CSMD1: variants seen among roughly 807,000 people sequenced by gnomAD.
CSMD1 encodes CUB and Sushi multiple domains 1.
Under a neutral mutation model 417.5 loss-of-function variants are expected in CSMD1, and 213 were observed. That is an observed-to-expected ratio of 0.51 (90% confidence interval 0.46 to 0.57). CSMD1 has a LOEUF of 0.57. Among genes scored for constraint, CSMD1 ranks in the 20% least tolerant of loss-of-function variants. The probability of loss-of-function intolerance (pLI) is 0.00; values close to 1 mark genes in which losing one functional copy is unlikely to be tolerated. For synonymous variants in CSMD1, 2,862 were observed against 1,736.8 expected (o/e 1.65, Z -16.11); for missense variants, 6,923 against 4,529.7 (o/e 1.53, Z -15.17).
intron 1 of CSMD1, among the ~76,000 whole-genome samples, chr8:4,961,269 C>T (rs190286787): frequency 3.2e-4 from 48 of 152,190 alleles, no homozygotes; most frequent in African/African-American, 1.2e-3. Flanking sequence ...AATATTTTAT[C>T]CCATCAAACG....
chr8:3,751,587 T>C (rs1168886557), intron 6 of CSMD1, among the ~76,000 whole-genome samples: 2 of 150,944 alleles, frequency 1.3e-5, no homozygotes, highest in Non-Finnish European at 2.9e-5. Context: ...AATGTAGTTG[T>C]ATTGTTTATA....
intron 2 of CSMD1, among the ~76,000 whole-genome samples, chr8:4,570,064 T>C (rs1798809992): frequency 6.6e-6 from 1 of 152,210 alleles, no homozygotes; most frequent in Non-Finnish European, 1.5e-5. Flanking sequence ...TTTCTAAATA[T>C]ACAATCACGT....
intron 2 of CSMD1, among the ~76,000 whole-genome samples, chr8:4,465,697 GGAA>G (rs1165037701): frequency 2.0e-5 from 3 of 152,176 alleles, no homozygotes; most frequent in Non-Finnish European, 2.9e-5. Context: ...GACCATTAAA[GGAA>G]GAAGAATGGT....
chr8:4,771,046 C>T (rs981379198), intron 1 of CSMD1, among the ~76,000 whole-genome samples: 3 of 152,100 alleles, frequency 2.0e-5, no homozygotes, highest in Non-Finnish European at 2.9e-5. Context: ...GCAATATTTC[C>T]AAACCATATA....
At chr8:3,598,559 G>A (rs982031405) in intron 8 of CSMD1, among the ~76,000 whole-genome samples, 7 of 152,094 alleles carry the variant, frequency 4.6e-5, no homozygotes, top group Non-Finnish European at 8.8e-5. Flanking sequence ...TCTACGCTCT[G>A]TCTACAACAG....
Position 4,166,283 on chromosome 8 carries a change from G to T in CSMD1, c.416-134184C>A, listed in dbSNP as rs556339310. 2.1e-3 allele frequency among the ~76,000 whole-genome samples: 316 copies of T among 152,066 alleles called. 1 individual carries two copies. The highest frequency in any genetic ancestry group is 7.0e-3 in the African/African-American group (292 of 41,464). On this transcript the variant is annotated intron_variant, in intron 3 of 69. Transcript: ENST00000635120. ...TGATATAAAATACATAAACATAAAAGTTCTTAATGGAATATTTTGTATTAT... is the reference window on the plus strand; with the variant it reads ...TGATATAAAATACATAAACATAAAATTTCTTAATGGAATATTTTGTATTAT...
At chr8:4,894,202 T>C (rs1242310657) in intron 1 of CSMD1, among the ~76,000 whole-genome samples, 1 of 152,130 alleles carries the variant, frequency 6.6e-6, no homozygotes, top group Non-Finnish European at 1.5e-5. Flanking sequence ...TTATCAGATA[T>C]GCCCAAACTT....
chr8:3,682,086 C>A (rs1161813574), intron 7 of CSMD1, among the ~76,000 whole-genome samples: 2 of 152,106 alleles, frequency 1.3e-5, no homozygotes, highest in African/African-American at 2.4e-5. Flanking sequence ...ATCGTAAAAA[C>A]CCTAGAAGAA....
chr8:3,634,636 C>A (rs1796942764), intron 7 of CSMD1, among the ~76,000 whole-genome samples: 1 of 152,250 alleles, frequency 6.6e-6, no homozygotes, highest in East Asian at 1.9e-4. Flanking sequence ...AATTACTTAA[C>A]TCGAGAGTGG....
At chr8:3,079,231 A>G (rs1247825608) in intron 49 of CSMD1, among the ~76,000 whole-genome samples, 2 of 152,272 alleles carry the variant, frequency 1.3e-5, no homozygotes, top group Admixed American at 1.3e-4. Context: ...GGCCAGTTTG[A>G]GCTATATGGA....
chr8:4,111,652 A>C (rs546964530), intron 3 of CSMD1, among the ~76,000 whole-genome samples: 1 of 152,332 alleles, frequency 6.6e-6, no homozygotes, highest in Admixed American at 6.5e-5. Flanking sequence ...CATTATCTTC[A>C]GCAAATTCCT....
At position 4,446,083 on chromosome 8, in the gene CSMD1, T is replaced by C. The variant is rs73660836; in HGVS notation, c.303-26018A>G. On this transcript the variant is annotated intron_variant, in intron 2 of 69. Coordinates refer to ENST00000635120, the MANE Select transcript of CSMD1 (RefSeq NM_033225.6). ...GAGGCTGTTTCATAGGCGGAAGGGC[T>C]CCGTGTTCACTGTAGACAGCAAGTT... 6.6e-3 allele frequency among the ~76,000 whole-genome samples: 998 copies of C among 152,318 alleles called. 13 individuals are homozygous for C. Among genetic ancestry groups the C allele is most frequent in the African/African-American group, 0.023 (951 of 41,566 alleles).
intron 18 of CSMD1, among the ~76,000 whole-genome samples, chr8:3,375,651 G>T (rs1158448913): frequency 1.3e-5 from 2 of 152,104 alleles, no homozygotes; most frequent in African/African-American, 2.4e-5. Context: ...CAGTAGGAAG[G>T]AGGGGAGTAA....
At chr8:3,557,902 T>C (rs1799226514) in intron 10 of CSMD1, among the ~76,000 whole-genome samples, 1 of 152,198 alleles carries the variant, frequency 6.6e-6, no homozygotes, top group African/African-American at 2.4e-5. Context: ...TAATAAGTTA[T>C]ACGGTCAACT....
chr8:4,712,667 T>C (rs1183012046), intron 1 of CSMD1, among the ~76,000 whole-genome samples: 3 of 152,234 alleles, frequency 2.0e-5, no homozygotes, highest in African/African-American at 7.2e-5. Context: ...GGGCAACTAG[T>C]AAACATTTCA....
intron 2 of CSMD1, among the ~76,000 whole-genome samples, chr8:4,602,186 A>G (rs1348836553): frequency 1.3e-5 from 2 of 152,118 alleles, no homozygotes; most frequent in Non-Finnish European, 2.9e-5. Flanking sequence ...CCCTTATTTC[A>G]TGTCTTGAGG....
At chr8:4,293,532 A>G (rs970539486) in intron 3 of CSMD1, among the ~76,000 whole-genome samples, 2 of 152,208 alleles carry the variant, frequency 1.3e-5, no homozygotes, top group African/African-American at 4.8e-5. Context: ...ACTAACCATG[A>G]AATAGACTTG....
At chr8:4,257,851 A>T (rs1803573856) in intron 3 of CSMD1, among the ~76,000 whole-genome samples, 2 of 152,244 alleles carry the variant, frequency 1.3e-5, no homozygotes, top group African/African-American at 2.4e-5. Context: ...AGCAGTCATT[A>T]TTCAGCTACA....
chr8:4,703,335 C>T (rs977487825), intron 1 of CSMD1, among the ~76,000 whole-genome samples: 12 of 152,068 alleles, frequency 7.9e-5, no homozygotes, highest in African/African-American at 1.7e-4. Flanking sequence ...TACGTCGCTC[C>T]ACGGACCTTT....
Sources: allele counts gnomAD v4.1 joint callset (sites outside exome capture counted in the v4.1 genomes callset), GRCh38; gene constraint gnomAD v4.1.1; transcripts MANE v1.5; gene names NCBI Gene and HGNC (gene_info 2026-07-23, HGNC 2026-07-21).